AOPEP: variants seen among roughly 807,000 people sequenced by gnomAD.
AOPEP encodes the protein aminopeptidase O.
In AOPEP, 77 loss-of-function variants were observed where a neutral mutation model predicts 98.1. That is an observed-to-expected ratio of 0.78 (90% CI 0.65 to 0.95). The LOEUF (loss-of-function observed/expected upper bound fraction) is 0.95, where lower values mean the gene tolerates loss of function less well. Among genes scored for constraint, AOPEP ranks in the 40% least tolerant of loss-of-function variants. The pLI is 0.00. For synonymous variants in AOPEP, 346 were observed against 365.3 expected (o/e 0.95, Z 0.60); for missense variants, 1,024 against 1,024.7 (o/e 1.00, Z 0.01).
At chr9:94,793,405 C>T (rs956578862) in intron 4 of AOPEP, among the ~76,000 whole-genome samples, 4 of 151,546 alleles carry the variant, frequency 2.6e-5, no homozygotes, top group South Asian at 2.1e-4. Flanking sequence ...AGAGGCTGGG[C>T]GTGGTGGCTC....
At chr9:95,035,507 ATTTTTTTTTTTTTT>A (rs542840000) in intron 13 of AOPEP, among the ~76,000 whole-genome samples, 1 of 67,950 alleles carries the variant, frequency 1.5e-5, no homozygotes, top group South Asian at 6.3e-4. Flanking sequence ...GCTTCAGATA[ATTTTTTTTTTTTTT>A]TTTTTTTTTT....
intron 13 of AOPEP, among the ~76,000 whole-genome samples, chr9:95,009,756 AC>A (rs1055518767): frequency 6.6e-6 from 1 of 152,170 alleles, no homozygotes. Flanking sequence ...AACCCAAAAA[AC>A]AATACTCTTG....
At chr9:94,826,147 A>G (rs372232086) in intron 5 of AOPEP, among the ~76,000 whole-genome samples, 3 of 152,164 alleles carry the variant, frequency 2.0e-5, no homozygotes, top group Admixed American at 1.3e-4. Context: ...CGGGCAGGGC[A>G]CCAGAACATG....
the AOPEP span, among the ~76,000 whole-genome samples, chr9:95,121,378 T>G: frequency 6.6e-6 from 1 of 152,218 alleles, no homozygotes; most frequent in African/African-American, 2.4e-5. Context: ...TGAGTGCTTC[T>G]GATGATAGGA....
At chr9:95,101,115 AG>A in the AOPEP span, 4 of 240,788 alleles carry the variant, frequency 1.7e-5, no homozygotes, top group African/African-American at 8.8e-5. Flanking sequence ...GAGTGGAAAG[AG>A]TGTGCCGGAG....
intron 5 of AOPEP, among the ~76,000 whole-genome samples, chr9:94,889,416 C>T (rs1477601897): frequency 6.6e-6 from 1 of 152,202 alleles, no homozygotes; most frequent in Non-Finnish European, 1.5e-5. Context: ...CCACCAAAGA[C>T]ATTTGGACAA....
At position 95,059,596 on chromosome 9, in the gene AOPEP, TGAG is replaced by T. The variant is rs1307945107; in HGVS notation, c.2116-1094_2116-1092del. Among the ~76,000 whole-genome samples the T allele has an allele frequency of 1.1e-4, 17 of 152,084 alleles. No individual in the cohort carries two copies. The East Asian group carries it at 3.3e-3, about 29-fold the overall frequency. The stretch of plus-strand genomic sequence containing the variant: ...GAGTGCACACTTGGGGGCAGAAAGA[TGAG>T]GAGCAGGGAGGGAAACCAGTACTTT... On this transcript the variant is annotated intron_variant, in intron 13 of 16. Coordinates refer to ENST00000375315, the MANE Select transcript of AOPEP (RefSeq NM_001193329.3).
intron 13 of AOPEP, among the ~76,000 whole-genome samples, chr9:95,009,787 T>A (rs763824444): frequency 6.6e-5 from 10 of 152,080 alleles, no homozygotes; most frequent in Non-Finnish European, 1.5e-4. Context: ...GTGTTCCAAT[T>A]GTTAAAAATT....
At chr9:94,877,907 G>A (rs1433771738) in intron 5 of AOPEP, among the ~76,000 whole-genome samples, 4 of 152,158 alleles carry the variant, frequency 2.6e-5, no homozygotes, top group South Asian at 2.1e-4. Flanking sequence ...TGTTTCTAGC[G>A]AGTGCAGGAA....
intron 7 of AOPEP, among the ~76,000 whole-genome samples, chr9:94,936,801 C>T (rs934263933): frequency 1.6e-4 from 25 of 152,148 alleles, no homozygotes; most frequent in Non-Finnish European, 2.4e-4. Flanking sequence ...ATTGGGGTTC[C>T]CATGGCTGGC....
intron 5 of AOPEP, among the ~76,000 whole-genome samples, chr9:94,873,714 A>G (rs2046598543): frequency 6.6e-6 from 1 of 152,234 alleles, no homozygotes; most frequent in African/African-American, 2.4e-5. Flanking sequence ...TACATATTTA[A>G]TATATTGATT....
intron 6 of AOPEP, among the ~76,000 whole-genome samples, chr9:94,924,850 C>T (rs1382411): frequency 0.037 from 5,682 of 152,294 alleles, 134 homozygotes; most frequent in Admixed American, 0.068. Flanking sequence ...AAAAATACCA[C>T]GCAAGACAAA....
the AOPEP span, chr9:95,114,478 C>T: frequency 1.3e-6 from 1 of 774,100 alleles, no homozygotes; most frequent in African/African-American, 1.7e-5. Flanking sequence ...CCATGCGCTT[C>T]CTCCACTTCT....
chr9:94,757,103 G>A (rs1411541475), intron 1 of AOPEP, among the ~76,000 whole-genome samples: 3 of 152,186 alleles, frequency 2.0e-5, no homozygotes, highest in Admixed American at 2.0e-4. Flanking sequence ...GGGATTCAGT[G>A]GGGCAGAATA....
intron 13 of AOPEP, among the ~76,000 whole-genome samples, chr9:95,040,442 T>C (rs1215903973): frequency 1.3e-5 from 2 of 152,242 alleles, no homozygotes; most frequent in Non-Finnish European, 2.9e-5. Flanking sequence ...TCTTCCCACC[T>C]TGGGGCCACC....
At chr9:94,976,173 C>T (rs2059825981) in intron 10 of AOPEP, among the ~76,000 whole-genome samples, 2 of 152,200 alleles carry the variant, frequency 1.3e-5, no homozygotes, top group Admixed American at 1.3e-4. Context: ...CAGTCACTCC[C>T]TGGGTTTTCC....
intron 3 of AOPEP, among the ~76,000 whole-genome samples, chr9:94,777,783 C>A (rs1392323107): frequency 6.6e-6 from 1 of 151,540 alleles, no homozygotes; most frequent in Non-Finnish European, 1.5e-5. Context: ...ACCACCATGC[C>A]CAGCTAATTT....
chr9:95,005,634 G>A lies in AOPEP; in HGVS notation c.2115+18G>A. ...TTGAAAAGGTAGGGGTTCCCGAGAC[G>A]GTACTCGGTGCAGGTCTTGGTAAAT... On this transcript the variant is annotated intron_variant, in intron 13 of 16. Transcript: ENST00000375315. The A allele has an allele frequency of 1.2e-6, 2 of 1,608,762 alleles. No homozygotes were observed. The highest frequency in any genetic ancestry group is 1.1e-5 in the South Asian group (1 of 90,948).
the AOPEP span, among the ~76,000 whole-genome samples, chr9:95,112,030 T>C: frequency 2.6e-5 from 4 of 152,180 alleles, no homozygotes; most frequent in Admixed American, 2.6e-4. Context: ...GGCAGAAACA[T>C]GGGCTATTTC....
Sources: gnomAD v4.1 joint callset for allele counts (sites outside exome capture counted in the v4.1 genomes callset) on GRCh38, gnomAD v4.1.1 for gene constraint, MANE v1.5 for transcripts, NCBI Gene and HGNC (gene_info 2026-07-23, HGNC 2026-07-21) for gene names.